Variants in TTLL12 observed in about 807,000 individuals in gnomAD.
TTLL12 encodes tubulin tyrosine ligase like 12, also known as tubulin--tyrosine ligase-like protein 12.
Under a neutral mutation model 79.6 loss-of-function variants are expected in TTLL12, and 77 were observed. The observed-to-expected ratio is 0.97, with a 90% confidence interval of 0.81 to 1.17. TTLL12 has a LOEUF of 1.17. Ranked by LOEUF, TTLL12 falls within the 50% of genes most tolerant of loss-of-function variation. The pLI, the probability that TTLL12 is intolerant of heterozygous loss-of-function variation, is 0.00. For synonymous variants in TTLL12, 437 were observed against 376.1 expected, an observed-to-expected ratio of 1.16 and a Z score of -1.87; for missense variants, 969 against 895.9, an observed-to-expected ratio of 1.08 and a Z score of -1.04.
In TTLL12 at chr22:43,176,518, T is replaced by G; in HGVS notation, c.841-122A>C. ...GGTGAGGCAGGTGGATCACGTGATG[T>G]CAGGAGCTCGAGACCAGCCTGGCCA... On this transcript the variant is annotated intron_variant, in intron 5 of 13. Coordinates refer to ENST00000216129, the MANE Select transcript of TTLL12 (RefSeq NM_015140.4). 3 of 781,360 alleles carry G rather than the reference T, an allele frequency of 3.8e-6. No homozygotes were observed. In the South Asian group the frequency reaches 4.5e-5, roughly 12 times the overall value. 48.4% of individuals were successfully genotyped at this position (781,360 alleles called of 1,614,324 possible).
At chr22:43,181,023 G>T in intron 2 of TTLL12, 83 bp from the exon 3 acceptor site, 1 of 1,446,040 alleles carries the variant, frequency 6.9e-7, no homozygotes, top group South Asian at 1.3e-5. Context: ...CCAGGGCTGT[G>T]TTGGGACCAG....
rs370843482 is a variant in TTLL12, at chr22:43,169,483, T to G, written c.1644+17A>C. On this transcript the variant is annotated intron_variant, in intron 12 of 13. Transcript: ENST00000216129. ...CCCGCCCCACCGGCCTGCGATGGTGTGCAGGACAGGAATTACCTGGACGTC... is the reference window on the plus strand; with the variant it reads ...CCCGCCCCACCGGCCTGCGATGGTGGGCAGGACAGGAATTACCTGGACGTC... 41 of 1,576,612 alleles carry G rather than the reference T, an allele frequency of 2.6e-5. No homozygotes were observed. In the African/African-American group the frequency reaches 4.7e-4, roughly 18 times the overall value.
chr22:43,178,318 G>C (rs1268656090), intron 5 of TTLL12, among the ~76,000 whole-genome samples: 2 of 124,710 alleles, frequency 1.6e-5, no homozygotes, highest in Admixed American at 8.2e-5. Context: ...ACACACGCCC[G>C]CTCTATTTTT....
chr22:43,180,670 G>C, intron 3 of TTLL12, 72 bp downstream of exon 3: 2 of 1,537,384 alleles, frequency 1.3e-6, no homozygotes, highest in Non-Finnish European at 8.9e-7. Flanking sequence ...CACCCGGCCT[G>C]ATGGCACAGG....
At chr22:43,181,851 A>C (rs181498213) in intron 2 of TTLL12, among the ~76,000 whole-genome samples, 2 of 152,310 alleles carry the variant, frequency 1.3e-5, no homozygotes, top group African/African-American at 4.8e-5. Flanking sequence ...CACTTGTGTT[A>C]GAGTGGGTGA....
rs1931659949 is a variant in TTLL12 at position 43,167,931 on chromosome 22, G to A, written c.*77C>T. On this transcript the variant is annotated 3_prime_UTR_variant, in exon 14 of 14. Coordinates refer to ENST00000216129, the MANE Select transcript of TTLL12 (RefSeq NM_015140.4). Reference sequence around the variant, plus strand: ...CAGGGCCGGTGTGGGGAGGGACATGGGGGCCTTTGCAGAAGCAGCTCAGAG... The same window carrying A: ...CAGGGCCGGTGTGGGGAGGGACATGAGGGCCTTTGCAGAAGCAGCTCAGAG... The A allele has an allele frequency of 2.6e-6, 4 of 1,549,720 alleles. No individual in the cohort carries two copies. The highest frequency in any genetic ancestry group is 1.4e-5 in the African/African-American group (1 of 73,722).
intron 2 of TTLL12, among the ~76,000 whole-genome samples, 171 bp from the exon 3 acceptor site, chr22:43,181,111 G>A (rs1004875659): frequency 7.2e-5 from 11 of 152,108 alleles, no homozygotes; most frequent in Non-Finnish European, 1.6e-4. Context: ...CCTGGGTCAG[G>A]TGCTGGCGCT....
chr22:43,172,256 T>C, intron 10 of TTLL12, 147 bp downstream of exon 10: 2 of 979,376 alleles, frequency 2.0e-6, no homozygotes, highest in East Asian at 2.6e-5. Context: ...CCAAGGGAGA[T>C]GGGCTCCAAG....
chr22:43,174,798 G>A (rs1569484814), intron 6 of TTLL12, among the ~76,000 whole-genome samples, 183 bp from the exon 7 acceptor site: 2 of 152,238 alleles, frequency 1.3e-5, no homozygotes, highest in Non-Finnish European at 2.9e-5. Flanking sequence ...AATCTGCTGA[G>A]GGAGGGGCGC....
intron 1 of TTLL12, among the ~76,000 whole-genome samples, chr22:43,183,749 G>GC (rs1182099952): frequency 1.3e-5 from 2 of 152,254 alleles, no homozygotes; most frequent in Non-Finnish European, 2.9e-5. Flanking sequence ...AGTCAAGCAG[G>GC]CAAGTGACCT....
At chr22:43,176,501 A>G in intron 5 of TTLL12, 105 bp from the exon 6 acceptor site, 1 of 907,456 alleles carries the variant, frequency 1.1e-6, no homozygotes, top group Non-Finnish European at 1.8e-6. Context: ...AGGGTGAGGC[A>G]GGTGGATCAC....
intron 6 of TTLL12, 84 bp downstream of exon 6, chr22:43,176,236 T>C: frequency 9.6e-7 from 1 of 1,047,076 alleles, no homozygotes; most frequent in Non-Finnish European, 1.5e-6. Flanking sequence ...CCAAGCACTG[T>C]TCTGGGGCTG....
chr22:43,186,761 C>T, intron 1 of TTLL12, 132 bp downstream of exon 1: 1 of 923,862 alleles, frequency 1.1e-6, no homozygotes, highest in Non-Finnish European at 1.4e-6. Flanking sequence ...CGCTCCAGAG[C>T]TGCCCAGGAC....
At chr22:43,178,511 C>T (rs138943) in intron 5 of TTLL12, among the ~76,000 whole-genome samples, 31,328 of 151,816 alleles carry the variant, frequency 0.21, 3,518 homozygotes, top group Non-Finnish European at 0.25. Flanking sequence ...TTAGTAGAGA[C>T]GGGGTTTCAC....
chr22:43,177,489 G>A (rs1367594597), intron 5 of TTLL12, among the ~76,000 whole-genome samples: 1 of 152,302 alleles, frequency 6.6e-6, no homozygotes. Flanking sequence ...TGCTTCTAAT[G>A]AGCAGGAAAA....
chr22:43,172,568 G>A lies in TTLL12; in HGVS notation c.1342-14C>T, dbSNP rs769392305. 5.6e-6 allele frequency: 9 copies of A among 1,613,904 alleles called. No homozygotes were observed. The highest frequency in any genetic ancestry group is 4.4e-5 in the South Asian group (4 of 91,080). ...CTTGGACACAACCTGGAGGACACAG[G>A]TGCAAGCTCGCTGGTGGCCAGGACA... On this transcript the variant is annotated splice_polypyrimidine_tract_variant and intron_variant, in intron 9 of 13. Coordinates refer to ENST00000216129, the MANE Select transcript of TTLL12 (RefSeq NM_015140.4).
chr22:43,173,910 G>A, intron 8 of TTLL12, 84 bp from the exon 9 acceptor site: 1 of 1,286,846 alleles, frequency 7.8e-7, no homozygotes, highest in Non-Finnish European at 1.1e-6. Context: ...GGCAGAAGAG[G>A]GCAGCCCACT....
intron 1 of TTLL12, among the ~76,000 whole-genome samples, chr22:43,184,782 G>C (rs938448775): frequency 4.6e-5 from 7 of 152,210 alleles, no homozygotes; most frequent in African/African-American, 1.7e-4. Flanking sequence ...CCTGTCTCAA[G>C]CCTGGCCTGG....
intron 6 of TTLL12, 31 bp downstream of exon 6, chr22:43,176,289 C>G: frequency 6.5e-7 from 1 of 1,529,768 alleles, no homozygotes; most frequent in Non-Finnish European, 8.9e-7. Flanking sequence ...CGGACAAGTC[C>G]CAGCCCAAGC....
Sources: gnomAD v4.1 joint callset for allele counts (sites outside exome capture counted in the v4.1 genomes callset) on GRCh38, gnomAD v4.1.1 for gene constraint, MANE v1.5 for transcripts, NCBI Gene and HGNC (gene_info 2026-07-23, HGNC 2026-07-21) for gene names.